ARMH4: variants seen among roughly 807,000 people sequenced by gnomAD.
ARMH4 encodes the protein armadillo-like helical domain-containing protein 4.
A neutral mutation model predicts 61.9 loss-of-function variants in ARMH4; 49 were observed. The ratio of observed to expected loss-of-function variants is 0.79; its 90% CI spans 0.63 to 1.00. The LOEUF is 1.00. ARMH4 is among the 50% of genes least tolerant of loss of function. ARMH4 has a pLI of 0.00. For synonymous variants in ARMH4, 368 were observed against 341.5 expected (o/e 1.08, Z -0.85); for missense variants, 934 against 930.0 (o/e 1.00, Z -0.06).
chr14:58,050,602 C>T (rs1019178186), intron 5 of ARMH4, among the ~76,000 whole-genome samples: 1 of 151,780 alleles, frequency 6.6e-6, no homozygotes, highest in African/African-American at 2.4e-5. Context: ...CTCAGTCTTG[C>T]CTTATGTTGA....
At chr14:58,105,689 G>GAAA (rs1373693311) in intron 4 of ARMH4, among the ~76,000 whole-genome samples, 2 of 91,234 alleles carry the variant, frequency 2.2e-5, no homozygotes, top group African/African-American at 4.0e-5. Flanking sequence ...TCCATCTCAA[G>GAAA]AAAAAAAAAA....
chr14:58,067,037 G>A (rs1470996541), intron 5 of ARMH4, among the ~76,000 whole-genome samples: 3 of 152,212 alleles, frequency 2.0e-5, no homozygotes, highest in Non-Finnish European at 4.4e-5. Flanking sequence ...AAGACTGGAA[G>A]AGAATAGGCC....
At chr14:58,142,466 T>C (rs1179812459) in intron 1 of ARMH4, among the ~76,000 whole-genome samples, 2 of 151,934 alleles carry the variant, frequency 1.3e-5, no homozygotes, top group East Asian at 1.9e-4. Flanking sequence ...TTTCTTTTCT[T>C]TTCTCTTCTC....
chr14:58,110,627 G>A (rs1355041418), intron 4 of ARMH4, among the ~76,000 whole-genome samples: 1 of 151,754 alleles, frequency 6.6e-6, no homozygotes, highest in South Asian at 2.1e-4. Flanking sequence ...AAAAGTATGG[G>A]GCAATTTATC....
At chr14:58,146,051 T>C (rs1887724048) in intron 1 of ARMH4, among the ~76,000 whole-genome samples, 2 of 152,352 alleles carry the variant, frequency 1.3e-5, no homozygotes, top group African/African-American at 4.8e-5. Flanking sequence ...AGTTCAACAA[T>C]ATTCCTAAAC....
At chr14:58,032,928 G>C (rs1883311095) in intron 5 of ARMH4, among the ~76,000 whole-genome samples, 1 of 151,032 alleles carries the variant, frequency 6.6e-6, no homozygotes, top group Non-Finnish European at 1.5e-5. Flanking sequence ...CTGATTGCTA[G>C]CACAGCAGTC....
In ARMH4 at chr14:58,131,553, T is replaced by A; in HGVS notation, c.1790A>T (p.Asn597Ile). The A allele has an allele frequency of 6.2e-7, 1 of 1,614,240 alleles. No homozygotes were observed. The highest frequency in any genetic ancestry group is 1.3e-5 in the African/African-American group (1 of 75,068). Residue 597 changes from asparagine to isoleucine, a missense_variant, in exon 4 of 8, where the codon AAT becomes ATT. Asn to Ile is a moderately radical substitution (Grantham distance 149, BLOSUM62 -3). Coordinates refer to ENST00000267485, the MANE Select transcript of ARMH4 (RefSeq NM_001001872.4). Reference sequence around the variant, plus strand: ...GTCCAGGCCATATGAGGCAGCTGTATTAACACGAGTAATAGATGGAACAAC... The same window carrying A: ...GTCCAGGCCATATGAGGCAGCTGTAATAACACGAGTAATAGATGGAACAAC... ...RTVVPSITRV[N>I]TAASYGLDQL...
chr14:58,042,889 A>C (rs1883777747), intron 5 of ARMH4, among the ~76,000 whole-genome samples: 1 of 152,338 alleles, frequency 6.6e-6, no homozygotes, highest in South Asian at 2.1e-4. Context: ...CCCAAGACTA[A>C]ACCAGGAAGA....
chr14:58,047,667 G>A (rs1883987398), intron 5 of ARMH4, among the ~76,000 whole-genome samples: 1 of 152,166 alleles, frequency 6.6e-6, no homozygotes. Context: ...TTTCAGATGA[G>A]GTAGTCACAA....
intron 1 of ARMH4, among the ~76,000 whole-genome samples, chr14:58,150,760 C>T (rs1887894927): frequency 6.6e-6 from 1 of 152,076 alleles, no homozygotes; most frequent in Non-Finnish European, 1.5e-5. Flanking sequence ...AAAAAAAAAC[C>T]ACTTTATTCA....
intron 5 of ARMH4, among the ~76,000 whole-genome samples, chr14:58,060,163 A>G (rs1884481996): frequency 6.6e-6 from 1 of 152,176 alleles, no homozygotes; most frequent in South Asian, 2.1e-4. Flanking sequence ...CTTTACTTCT[A>G]CTTTTCCTGA....
chr14:58,102,660 A>T (rs2141273877), intron 4 of ARMH4, among the ~76,000 whole-genome samples: 2 of 149,952 alleles, frequency 1.3e-5, no homozygotes, highest in East Asian at 3.9e-4. Flanking sequence ...AAATACAAAA[A>T]ATTAGCCGGG....
chr14:58,062,319 A>G (rs1475484833), intron 5 of ARMH4, among the ~76,000 whole-genome samples: 1 of 152,196 alleles, frequency 6.6e-6, no homozygotes, highest in Non-Finnish European at 1.5e-5. Context: ...AGCCTGAGTG[A>G]CAGAGTAAGA....
intron 5 of ARMH4, among the ~76,000 whole-genome samples, chr14:58,094,227 G>A (rs759586878): frequency 1.3e-5 from 2 of 151,704 alleles, no homozygotes; most frequent in Non-Finnish European, 2.9e-5. Flanking sequence ...CTGCTCAGGA[G>A]GCTGAGGCAG....
At chr14:58,139,650 C>A (rs895482363) in intron 1 of ARMH4, among the ~76,000 whole-genome samples, 1 of 152,170 alleles carries the variant, frequency 6.6e-6, no homozygotes, top group Non-Finnish European at 1.5e-5. Flanking sequence ...ACACATAGTT[C>A]AAGTATTAAG....
At chr14:58,074,641 G>A (rs1458392821) in intron 5 of ARMH4, among the ~76,000 whole-genome samples, 1 of 152,056 alleles carries the variant, frequency 6.6e-6, no homozygotes, top group South Asian at 2.1e-4. Flanking sequence ...GTTGGGAAAA[G>A]ATACACAGTA....
In ARMH4 at chr14:58,133,270, G is replaced by A; in HGVS notation, c.1441C>T (p.Gln481Ter). The A allele has an allele frequency of 6.2e-7, 1 of 1,614,010 alleles. No homozygotes were observed. The highest frequency in any genetic ancestry group is 8.5e-7 in the Non-Finnish European group (1 of 1,180,028). Reference sequence around the variant, plus strand: ...CTGATAAGCTCGAGGGTAGCAACCTGCTCTTGTGTCACCATGGATAAAGTG... The same window carrying A: ...CTGATAAGCTCGAGGGTAGCAACCTACTCTTGTGTCACCATGGATAAAGTG... Reference protein sequence around the residue: ...DATLSMVTQEQVATLELIRDS... With the variant: ...DATLSMVTQE Residue 481 changes from glutamine to a stop codon, truncating the protein, a stop_gained, in exon 3 of 8, where the codon CAG (glutamine) becomes TAG (stop). Transcript: ENST00000267485. LOFTEE classifies it high-confidence loss of function.
chr14:58,133,433 G>A (rs1887195872), intron 2 of ARMH4, 92 bp from the exon 3 acceptor site: 1 of 1,224,770 alleles, frequency 8.2e-7, no homozygotes, highest in South Asian at 1.5e-5. Flanking sequence ...GGGGGGAGGG[G>A]AGCAGATGCT....
At chr14:58,090,270 C>T (rs1221194377) in intron 5 of ARMH4, among the ~76,000 whole-genome samples, 2 of 152,082 alleles carry the variant, frequency 1.3e-5, no homozygotes, top group African/African-American at 2.4e-5. Flanking sequence ...ACAATGCCAC[C>T]CTCAAGCTCT....
Sources: allele counts gnomAD v4.1 joint callset (sites outside exome capture counted in the v4.1 genomes callset), GRCh38; gene constraint gnomAD v4.1.1; transcripts MANE v1.5; gene names NCBI Gene and HGNC (gene_info 2026-07-23, HGNC 2026-07-21).